VOPP1: variants seen among roughly 807,000 people sequenced by gnomAD.
VOPP1 encodes the protein VOPP1 WW domain binding protein.
VOPP1 carries 8 observed loss-of-function variants against 23.5 expected under a neutral mutation model. The observed-to-expected ratio is 0.34, with a 90% confidence interval of 0.20 to 0.61. The LOEUF (loss-of-function observed/expected upper bound fraction) is 0.61. Among genes scored for constraint, VOPP1 ranks in the 20% least tolerant of loss-of-function variants. The pLI, the probability that VOPP1 is intolerant of heterozygous loss-of-function variation, is 0.78. For missense variants in VOPP1, 174 were observed against 238.1 expected (o/e 0.73, Z 1.77); for synonymous variants, 83 against 97.3 (o/e 0.85, Z 0.86).
At chr7:55,442,837 C>T (rs1791000433) in intron 4 of VOPP1, among the ~76,000 whole-genome samples, 1 of 152,140 alleles carries the variant, frequency 6.6e-6, no homozygotes, top group Non-Finnish European at 1.5e-5. Flanking sequence ...AAAAAGCAGG[C>T]CGGGTGCGGT....
chr7:55,501,949 A>G (rs949784354), intron 2 of VOPP1, among the ~76,000 whole-genome samples: 1 of 152,178 alleles, frequency 6.6e-6, no homozygotes, highest in Non-Finnish European at 1.5e-5. Flanking sequence ...AGCACAGCCA[A>G]TGCTTAAGAG....
intron 4 of VOPP1, among the ~76,000 whole-genome samples, chr7:55,478,988 G>A (rs1025816704): frequency 8.5e-5 from 13 of 152,148 alleles, no homozygotes; most frequent in African/African-American, 2.4e-4. Context: ...GAAGGAGCCC[G>A]GCCCGAGGAT....
Position 55,561,788 on chromosome 7 carries a change from G to C in VOPP1, c.54+10483C>G, listed in dbSNP as rs1403724199. ...ACAAACAAGCAATTACAGTATCTGA[G>C]CTCAGAGCACGTGGGAGTAGCTTGC... is the stretch of plus-strand genomic sequence containing the variant. On this transcript the variant is annotated intron_variant, in intron 1 of 4. Coordinates refer to ENST00000285279, the MANE Select transcript of VOPP1 (RefSeq NM_030796.5). 4 of 552,114 alleles carry C rather than the reference G, an allele frequency of 7.2e-6. No homozygotes were observed. In the East Asian group the frequency reaches 1.2e-4, roughly 16 times the overall value. 34.2% of individuals were successfully genotyped at this position (552,114 alleles called of 1,614,324 possible). A position where few individuals can be genotyped will look rare whatever the true frequency, so the allele number is the denominator to read the frequency against.
intron 1 of VOPP1, among the ~76,000 whole-genome samples, chr7:55,527,877 T>C (rs118033537): frequency 0.011 from 1,667 of 152,266 alleles, 11 homozygotes; most frequent in Middle Eastern, 0.02. Flanking sequence ...TACAATAGTA[T>C]GGTTTTTAAC....
At chr7:55,475,410 G>C (rs147688182) in intron 4 of VOPP1, among the ~76,000 whole-genome samples, 1 of 152,144 alleles carries the variant, frequency 6.6e-6, no homozygotes, top group Non-Finnish European at 1.5e-5. Flanking sequence ...CTCCACTGCC[G>C]GGCGAAGCAG....
chr7:55,474,672 G>A (rs1792098577), intron 4 of VOPP1, among the ~76,000 whole-genome samples: 1 of 152,266 alleles, frequency 6.6e-6, no homozygotes, highest in Admixed American at 6.5e-5. Context: ...ACCAGGACAA[G>A]GGCGGGGCAG....
At chr7:55,537,000 A>C (rs1796835016) in intron 1 of VOPP1, among the ~76,000 whole-genome samples, 1 of 152,214 alleles carries the variant, frequency 6.6e-6, no homozygotes, top group Non-Finnish European at 1.5e-5. Flanking sequence ...TGAGACTTCA[A>C]GTCATGTCTG....
At chr7:55,469,960 G>A (rs911138719), downstream of VOPP1, among the ~76,000 whole-genome samples, 2 of 152,140 alleles carry the variant, frequency 1.3e-5, no homozygotes, top group Admixed American at 6.5e-5. Flanking sequence ...TGGGAGGATC[G>A]CTTGAGCCTA....
intron 1 of VOPP1, among the ~76,000 whole-genome samples, chr7:55,539,878 C>T (rs943674760): frequency 6.7e-6 from 1 of 149,344 alleles, no homozygotes; most frequent in African/African-American, 2.5e-5. Context: ...ACATAACAAA[C>T]GGGCGCATAA....
intron 4 of VOPP1, among the ~76,000 whole-genome samples, chr7:55,463,633 G>A (rs1791562150): frequency 6.6e-6 from 1 of 152,220 alleles, no homozygotes; most frequent in Admixed American, 6.5e-5. Context: ...GGGATGCCAG[G>A]TGGGGCAGTC....
intron 4 of VOPP1, among the ~76,000 whole-genome samples, chr7:55,441,809 C>T (rs1475813624): frequency 6.6e-6 from 1 of 152,154 alleles, no homozygotes; most frequent in Non-Finnish European, 1.5e-5. Context: ...CAGGGAACTG[C>T]TCTTCCCATT....
intron 2 of VOPP1, among the ~76,000 whole-genome samples, chr7:55,507,726 T>C (rs753697581): frequency 4.6e-5 from 7 of 152,248 alleles, no homozygotes; most frequent in Non-Finnish European, 1.0e-4. Context: ...GATGTCAGAA[T>C]TGTCCTCCTG....
intron 4 of VOPP1, among the ~76,000 whole-genome samples, chr7:55,458,927 GT>G (rs1791433470): frequency 6.6e-6 from 1 of 152,124 alleles, no homozygotes; most frequent in Non-Finnish European, 1.5e-5. Context: ...AATAAGAGTG[GT>G]GAATGTGGGC....
At chr7:55,531,058 G>C (rs549518146) in intron 1 of VOPP1, 6 of 152,294 alleles carry the variant, frequency 3.9e-5, no homozygotes, top group South Asian at 2.1e-4. Context: ...AAAATACTTA[G>C]AGGTGCCATT....
At chr7:55,520,674 C>T (rs1317970688) in intron 2 of VOPP1, among the ~76,000 whole-genome samples, 1 of 152,222 alleles carries the variant, frequency 6.6e-6, no homozygotes, top group African/African-American at 2.4e-5. Flanking sequence ...CACACACACA[C>T]TGTCACAGTG....
intron 1 of VOPP1, chr7:55,552,708 C>G: frequency 3.9e-6 from 6 of 1,535,858 alleles, no homozygotes; most frequent in Non-Finnish European, 5.2e-6. Flanking sequence ...GCCCCAGCCC[C>G]TCCGAAGGCA....
At chr7:55,497,190 T>C (rs115981103) in intron 3 of VOPP1, among the ~76,000 whole-genome samples, 57 of 152,342 alleles carry the variant, frequency 3.7e-4, no homozygotes, top group African/African-American at 1.3e-3. Context: ...GCTGCCTATC[T>C]TGAAAGCGAA....
chr7:55,520,471 C>CA (rs572667878), intron 2 of VOPP1, among the ~76,000 whole-genome samples: 1,670 of 152,254 alleles, frequency 0.011, 11 homozygotes, highest in Middle Eastern at 0.021. Context: ...GCAGATATTA[C>CA]AAACACACGA....
At chr7:55,498,856 C>T (rs537829657) in intron 2 of VOPP1, among the ~76,000 whole-genome samples, 1 of 152,280 alleles carries the variant, frequency 6.6e-6, no homozygotes, top group East Asian at 1.9e-4. Flanking sequence ...AGCTCCAAAG[C>T]TGCTCTTCCC....
Sources: allele counts gnomAD v4.1 joint callset (sites outside exome capture counted in the v4.1 genomes callset), GRCh38; gene constraint gnomAD v4.1.1; transcripts MANE v1.5; gene names NCBI Gene and HGNC (gene_info 2026-07-23, HGNC 2026-07-21).